DLGAP2: variants seen among roughly 807,000 people sequenced by gnomAD.
DLGAP2 encodes DLG associated protein 2.
DLGAP2 carries 26 observed loss-of-function variants against 100.3 expected under a neutral mutation model. The observed-to-expected ratio is 0.26, with a 90% CI of 0.19 to 0.36. DLGAP2 has a LOEUF of 0.36. Ranked by LOEUF, DLGAP2 falls within the 10% of genes least tolerant of loss-of-function variation. The pLI, the probability that DLGAP2 is intolerant of heterozygous loss-of-function variation, is 1.00. For missense variants in DLGAP2, 1,858 were observed against 1,453.2 expected (o/e 1.28, Z -4.53); for synonymous variants, 886 against 630.1 (o/e 1.41, Z -6.08).
intron 10 of DLGAP2, among the ~76,000 whole-genome samples, chr8:1,674,730 A>G (rs548421959): frequency 1.3e-5 from 2 of 152,228 alleles, no homozygotes; most frequent in African/African-American, 2.4e-5. Flanking sequence ...AAGTACAGAC[A>G]TGTATTTATA....
intron 6 of DLGAP2, among the ~76,000 whole-genome samples, chr8:1,600,999 T>C (rs948651507): frequency 9.9e-5 from 15 of 152,240 alleles, no homozygotes; most frequent in African/African-American, 3.4e-4. Flanking sequence ...TTTCCTCATC[T>C]TCATGGATTT....
chr8:1,098,600 C>G (rs1276159835), intron 2 of DLGAP2, among the ~76,000 whole-genome samples: 1 of 106,900 alleles, frequency 9.4e-6, no homozygotes, highest in East Asian at 2.4e-4. Context: ...ACCAGGCTCC[C>G]GGCCGCCCAC....
chr8:1,479,737 C>T (rs959938937), intron 3 of DLGAP2, among the ~76,000 whole-genome samples: 11 of 152,142 alleles, frequency 7.2e-5, no homozygotes, highest in African/African-American at 2.4e-5. Context: ...TAGTCTTTTC[C>T]TTGTGCCTCA....
chr8:1,440,847 C>T (rs928872636), intron 3 of DLGAP2, among the ~76,000 whole-genome samples: 2 of 152,196 alleles, frequency 1.3e-5, no homozygotes, highest in African/African-American at 4.8e-5. Flanking sequence ...ACGGAACTCT[C>T]TGGAGTGCCC....
chr8:1,467,635 C>T (rs973048500), intron 3 of DLGAP2, among the ~76,000 whole-genome samples: 9 of 152,156 alleles, frequency 5.9e-5, no homozygotes, highest in African/African-American at 2.2e-4. Flanking sequence ...GACTGCCCTG[C>T]CCACCTTCCC....
chr8:773,521 CAG>C, intron 1 of DLGAP2, among the ~76,000 whole-genome samples: 1 of 147,996 alleles, frequency 6.8e-6, no homozygotes, highest in Non-Finnish European at 1.5e-5. Flanking sequence ...CAACAGTCCC[CAG>C]AGTGTGATAT....
chr8:1,500,080 A>G (rs944319257), intron 3 of DLGAP2, among the ~76,000 whole-genome samples: 1 of 152,260 alleles, frequency 6.6e-6, no homozygotes, highest in African/African-American at 2.4e-5. Flanking sequence ...GAGTCTGAAC[A>G]TGCAATCATA....
In DLGAP2 at chr8:1,241,128, C is replaced by T. The variant is rs141484251; in HGVS notation, c.74-17723C>T. On this transcript the variant is annotated intron_variant, in intron 2 of 14. Coordinates refer to ENST00000637795, the MANE Select transcript of DLGAP2 (RefSeq NM_001346810.2). ...CGTGTCTGGTTCTCTCGCATGGCGC[C>T]GTGTCTAGTTCTCTCACGTGGTGCC... Among the ~76,000 whole-genome samples, 339 of 122,954 alleles carry T rather than the reference C, an allele frequency of 2.8e-3. 14 individuals carry two copies. The highest frequency in any genetic ancestry group is 0.01 in the African/African-American group (323 of 31,548). 80.7% of individuals were successfully genotyped at this position (122,954 alleles called of 152,430 possible). A position where few individuals can be genotyped will look rare whatever the true frequency, so the allele number is the denominator to read the frequency against.
chr8:1,363,854 G>A (rs1802041920), intron 3 of DLGAP2, among the ~76,000 whole-genome samples: 1 of 152,036 alleles, frequency 6.6e-6, no homozygotes, highest in Non-Finnish European at 1.5e-5. Flanking sequence ...GCCTTGGCCT[G>A]CCACGTCTCT....
chr8:1,173,336 A>G (rs922112784), intron 2 of DLGAP2, among the ~76,000 whole-genome samples: 11 of 152,308 alleles, frequency 7.2e-5, no homozygotes, highest in Non-Finnish European at 1.3e-4. Context: ...CAGGGGTCAG[A>G]GACCCACTTG....
intron 2 of DLGAP2, among the ~76,000 whole-genome samples, chr8:1,064,037 G>T (rs1398133487): frequency 6.6e-6 from 1 of 151,938 alleles, no homozygotes; most frequent in Non-Finnish European, 1.5e-5. Flanking sequence ...GTTAGGAGAT[G>T]CCAGCCTTTA....
At chr8:1,464,224 C>A (rs1366431336) in intron 3 of DLGAP2, among the ~76,000 whole-genome samples, 1 of 143,890 alleles carries the variant, frequency 6.9e-6, no homozygotes, top group Admixed American at 6.9e-5. Context: ...CAGGACGGCT[C>A]CCTTCCAGGA....
chr8:1,525,523 C>T (rs1344421480), intron 4 of DLGAP2, among the ~76,000 whole-genome samples: 1 of 152,196 alleles, frequency 6.6e-6, no homozygotes, highest in Non-Finnish European at 1.5e-5. Context: ...AGCTGCGGTC[C>T]TCAGAAAATG....
intron 1 of DLGAP2, among the ~76,000 whole-genome samples, chr8:807,113 T>A (rs569817979): frequency 1.3e-5 from 2 of 152,258 alleles, no homozygotes; most frequent in Non-Finnish European, 2.9e-5. Flanking sequence ...TTTAGGGTTT[T>A]AACTTGCTCT....
chr8:1,309,557 G>A (rs1018916906), intron 3 of DLGAP2, among the ~76,000 whole-genome samples: 1 of 152,206 alleles, frequency 6.6e-6, no homozygotes, highest in Non-Finnish European at 1.5e-5. Context: ...AACGGAACTT[G>A]AGACTTGCTC....
At chr8:1,444,007 G>A (rs1797912372) in intron 3 of DLGAP2, among the ~76,000 whole-genome samples, 1 of 152,206 alleles carries the variant, frequency 6.6e-6, no homozygotes, top group African/African-American at 2.4e-5. Context: ...CCAATTATGA[G>A]TTTTCCAGTG....
intron 8 of DLGAP2, among the ~76,000 whole-genome samples, chr8:1,652,514 G>A (rs1352461672): frequency 2.0e-5 from 3 of 152,148 alleles, no homozygotes; most frequent in African/African-American, 7.2e-5. Context: ...CTGCCCACTT[G>A]CAACTAACCC....
intron 2 of DLGAP2, among the ~76,000 whole-genome samples, chr8:1,220,834 G>T (rs1334805120): frequency 6.6e-6 from 1 of 151,930 alleles, no homozygotes; most frequent in African/African-American, 2.4e-5. Flanking sequence ...TTGTTGAATT[G>T]AACCTTTTAT....
chr8:1,445,957 ATTTG>A (rs1400389669), intron 3 of DLGAP2, among the ~76,000 whole-genome samples: 2 of 152,012 alleles, frequency 1.3e-5, no homozygotes, highest in Admixed American at 6.5e-5. Context: ...TTTCTTGTAA[ATTTG>A]TTTGAGTTCA....
Sources: allele counts gnomAD v4.1 joint callset (sites outside exome capture counted in the v4.1 genomes callset), GRCh38; gene constraint gnomAD v4.1.1; transcripts MANE v1.5; gene names NCBI Gene and HGNC (gene_info 2026-07-23, HGNC 2026-07-21).